KCNIP4: variants seen among roughly 807,000 people sequenced by gnomAD.
KCNIP4 encodes Kv channel-interacting protein 4.
A neutral mutation model predicts 34.0 loss-of-function variants in KCNIP4; 12 were observed. That is an observed-to-expected ratio of 0.35 (90% CI 0.23 to 0.57). The LOEUF (loss-of-function observed/expected upper bound fraction) is 0.57, where lower values mean the gene tolerates loss of function less well. KCNIP4 is among the 20% of genes least tolerant of loss of function. KCNIP4 has a pLI of 0.83. For synonymous variants in KCNIP4, 124 were observed against 102.2 expected (o/e 1.21, Z -1.29); for missense variants, 238 against 311.7 (o/e 0.76, Z 1.78).
At chr4:21,081,906 G>A (rs538443369) in intron 1 of KCNIP4, among the ~76,000 whole-genome samples, 3 of 151,794 alleles carry the variant, frequency 2.0e-5, no homozygotes, top group East Asian at 1.9e-4. Flanking sequence ...AACAAATGGA[G>A]GAAATATGTT....
intron 3 of KCNIP4, among the ~76,000 whole-genome samples, chr4:20,783,333 A>T (rs189785132): frequency 6.6e-6 from 1 of 152,094 alleles, no homozygotes; most frequent in African/African-American, 2.4e-5. Context: ...TCTGGTACCA[A>T]TTTACTGTAT....
intron 3 of KCNIP4, among the ~76,000 whole-genome samples, chr4:20,838,159 G>A (rs1376109445): frequency 6.6e-6 from 1 of 152,154 alleles, no homozygotes; most frequent in Non-Finnish European, 1.5e-5. Flanking sequence ...TTTGGATGAA[G>A]CTGCTTTTGA....
intron 1 of KCNIP4, among the ~76,000 whole-genome samples, chr4:21,779,826 G>A (rs1719458380): frequency 6.6e-6 from 1 of 152,008 alleles, no homozygotes; most frequent in Non-Finnish European, 1.5e-5. Flanking sequence ...AGCCTGTCGG[G>A]AGGCTGAAGC....
At chr4:21,600,434 T>C (rs771581704) in intron 1 of KCNIP4, among the ~76,000 whole-genome samples, 1 of 152,150 alleles carries the variant, frequency 6.6e-6, no homozygotes, top group Non-Finnish European at 1.5e-5. Context: ...TCATATAATG[T>C]ATAAATTGGT....
At chr4:21,176,265 A>T (rs1457053509) in intron 1 of KCNIP4, among the ~76,000 whole-genome samples, 1 of 152,156 alleles carries the variant, frequency 6.6e-6, no homozygotes, top group East Asian at 1.9e-4. Flanking sequence ...TCCTCTGAAA[A>T]GTGAGAAAGC....
chr4:20,920,757 C>T (rs566463752), intron 1 of KCNIP4, among the ~76,000 whole-genome samples: 9 of 152,108 alleles, frequency 5.9e-5, no homozygotes, highest in Non-Finnish European at 1.0e-4. Flanking sequence ...TTTGGGAGGC[C>T]GAGGCGGGTG....
chr4:21,251,410 T>C (rs1252800841), intron 1 of KCNIP4, among the ~76,000 whole-genome samples: 1 of 152,178 alleles, frequency 6.6e-6, no homozygotes, highest in East Asian at 1.9e-4. Context: ...AATCCTGATG[T>C]TCAGCCAGTA....
chr4:21,781,454 T>C (rs1719570539), intron 1 of KCNIP4, among the ~76,000 whole-genome samples: 1 of 152,106 alleles, frequency 6.6e-6, no homozygotes, highest in Admixed American at 6.5e-5. Flanking sequence ...CATTTTGAGG[T>C]ACTGGGGATT....
intron 1 of KCNIP4, among the ~76,000 whole-genome samples, chr4:21,040,849 G>T (rs1475699850): frequency 1.4e-5 from 2 of 147,242 alleles, no homozygotes; most frequent in Admixed American, 6.9e-5. Flanking sequence ...TATAAGAAGC[G>T]TTTTTTTTTC....
At chr4:21,550,461 G>A (rs1738487852) in intron 1 of KCNIP4, among the ~76,000 whole-genome samples, 1 of 152,038 alleles carries the variant, frequency 6.6e-6, no homozygotes, top group Admixed American at 6.6e-5. Context: ...TAGCCTCATC[G>A]AAAATTTCTC....
intron 1 of KCNIP4, among the ~76,000 whole-genome samples, chr4:21,428,599 C>T (rs573731102): frequency 1.3e-5 from 2 of 152,218 alleles, no homozygotes; most frequent in African/African-American, 4.8e-5. Flanking sequence ...CAATTTACAA[C>T]GCGATGCCCA....
At chr4:21,492,551 T>C (rs889056440) in intron 1 of KCNIP4, among the ~76,000 whole-genome samples, 1 of 152,220 alleles carries the variant, frequency 6.6e-6, no homozygotes, top group Non-Finnish European at 1.5e-5. Flanking sequence ...TATGCATTAT[T>C]GGCTGTTTTG....
intron 1 of KCNIP4, among the ~76,000 whole-genome samples, chr4:21,645,464 C>T (rs975127437): frequency 1.3e-4 from 20 of 152,200 alleles, no homozygotes; most frequent in African/African-American, 4.8e-4. Flanking sequence ...GCAAAAGTCA[C>T]TGTCCCTAAG....
intron 3 of KCNIP4, among the ~76,000 whole-genome samples, chr4:20,794,337 A>T (rs1246992560): frequency 6.6e-6 from 1 of 152,160 alleles, no homozygotes; most frequent in Non-Finnish European, 1.5e-5. Context: ...CTATAAATAC[A>T]GCTGAAGCTT....
intron 1 of KCNIP4, among the ~76,000 whole-genome samples, chr4:21,189,796 G>A (rs1755496172): frequency 6.6e-6 from 1 of 152,054 alleles, no homozygotes; most frequent in Non-Finnish European, 1.5e-5. Context: ...AAATACCAAA[G>A]GTCTAGTAAA....
intron 3 of KCNIP4, among the ~76,000 whole-genome samples, chr4:20,838,812 T>C (rs1719367799): frequency 6.6e-6 from 1 of 152,222 alleles, no homozygotes; most frequent in African/African-American, 2.4e-5. Flanking sequence ...AGCTTTCTTA[T>C]AGGATTGTTG....
At chr4:21,457,941 C>T (rs1418955625) in intron 1 of KCNIP4, among the ~76,000 whole-genome samples, 2 of 152,024 alleles carry the variant, frequency 1.3e-5, no homozygotes, top group Non-Finnish European at 1.5e-5. Flanking sequence ...TAGCTACGTT[C>T]CTGCCCTCCA....
intron 1 of KCNIP4, among the ~76,000 whole-genome samples, chr4:21,299,884 T>C (rs545801766): frequency 6.6e-6 from 1 of 152,282 alleles, no homozygotes; most frequent in Admixed American, 6.5e-5. Context: ...TTAAGCCTCT[T>C]GGGGGAAGCT....
At chr4:21,290,538 A>C (rs894736665) in intron 1 of KCNIP4, among the ~76,000 whole-genome samples, 3 of 152,198 alleles carry the variant, frequency 2.0e-5, no homozygotes, top group African/African-American at 7.2e-5. Flanking sequence ...ACTGTTTTGA[A>C]ACTTGTTCTT....
Sources: allele counts gnomAD v4.1 joint callset (sites outside exome capture counted in the v4.1 genomes callset), GRCh38; gene constraint gnomAD v4.1.1; transcripts MANE v1.5; gene names NCBI Gene and HGNC (gene_info 2026-07-23, HGNC 2026-07-21).